PDE12: variants seen among roughly 807,000 people sequenced by gnomAD.
PDE12 encodes the protein 2',5'-phosphodiesterase 12.
PDE12 carries 26 observed loss-of-function variants against 45.4 expected under a neutral mutation model. The ratio of observed to expected loss-of-function variants is 0.57; its 90% CI spans 0.42 to 0.79. The LOEUF (loss-of-function observed/expected upper bound fraction) is 0.79, where lower values mean the gene tolerates loss of function less well. PDE12 is among the 30% of genes least tolerant of loss of function. The probability of loss-of-function intolerance (pLI) is 0.00; values close to 1 mark genes in which losing one functional copy is unlikely to be tolerated. For missense variants in PDE12, 668 were observed against 790.0 expected (o/e 0.85, Z 1.85); for synonymous variants, 283 against 323.9 (o/e 0.87, Z 1.36).
At chr3:57,627,235 C>G in the PDE12 span, 1 of 152,174 alleles carries the variant, frequency 6.6e-6, no homozygotes, top group Non-Finnish European at 1.5e-5. Flanking sequence ...CCTCCGCCTC[C>G]CAGGTTCAAG....
At chr3:57,597,027 G>A in the PDE12 span, 58 of 1,596,378 alleles carry the variant, frequency 3.6e-5, no homozygotes, top group East Asian at 9.8e-4. Context: ...CAATTGTGGA[G>A]ACCCTGCCTT....
At chr3:57,622,005 A>G in the PDE12 span, among the ~76,000 whole-genome samples, 1 of 152,056 alleles carries the variant, frequency 6.6e-6, no homozygotes, top group Admixed American at 6.6e-5. Context: ...GCGAAACCCC[A>G]TCTCTACTAA....
At chr3:57,656,082 TAA>T in the PDE12 span, among the ~76,000 whole-genome samples, 2 of 152,202 alleles carry the variant, frequency 1.3e-5, no homozygotes, top group Admixed American at 1.3e-4. Context: ...TAATTTGTTT[TAA>T]AAGTCACATT....
At chr3:57,642,823 C>T in the PDE12 span, among the ~76,000 whole-genome samples, 3 of 151,904 alleles carry the variant, frequency 2.0e-5, no homozygotes, top group Admixed American at 6.6e-5. Flanking sequence ...CTGGCCAACA[C>T]GGTGAAACCC....
the PDE12 span, among the ~76,000 whole-genome samples, chr3:57,574,096 T>C: frequency 6.6e-6 from 1 of 152,024 alleles, no homozygotes; most frequent in African/African-American, 2.4e-5. Flanking sequence ...TGCCTGCCAC[T>C]GCACCTAATT....
At position 57,566,368 on chromosome 3, in the gene PDE12, G is replaced by C. The variant is rs1340296114; in HGVS notation, c.*6364G>C. On this transcript the variant is annotated 3_prime_UTR_variant, in exon 3 of 3. Transcript: ENST00000311180. The stretch of plus-strand genomic sequence containing the variant: ...TCCATCTTATGGACGTACCACATTT[G>C]TCCATTCATTAGTTGACAGACATTT... 3 of 152,132 alleles carry C rather than the reference G, an allele frequency of 2.0e-5. No homozygotes were observed. The highest frequency in any genetic ancestry group is 4.4e-5 in the Non-Finnish European group (3 of 68,034). 9.4% of individuals were successfully genotyped at this position (152,132 alleles called of 1,614,324 possible). A position where few individuals can be genotyped will look rare whatever the true frequency, so the allele number is the denominator to read the frequency against.
chr3:57,636,868 C>T, the PDE12 span, among the ~76,000 whole-genome samples: 2 of 143,948 alleles, frequency 1.4e-5, no homozygotes, highest in East Asian at 4.1e-4. Flanking sequence ...ACCCAGAAGG[C>T]AGAGGCTGCA....
At chr3:57,632,193 G>A in the PDE12 span, among the ~76,000 whole-genome samples, 1 of 145,280 alleles carries the variant, frequency 6.9e-6, no homozygotes, top group African/African-American at 2.6e-5. Flanking sequence ...CCAATTTTTT[G>A]TATTTTTAGT....
chr3:57,557,303 G>C lies in PDE12; in HGVS notation c.924G>C (p.Ala308=). ...VSYNILADTY[A]QTEFSRTVLY... ...ACAACATCCTGGCAGACACGTACGC[G>C]CAGACTGAGTTCTCGCGAACGGTTC... Residue 308 remains alanine (A), a synonymous_variant, in exon 1 of 3, where the codon GCG becomes GCC. Coordinates refer to ENST00000311180, the MANE Select transcript of PDE12 (RefSeq NM_177966.7). The C allele has an allele frequency of 6.2e-7, 1 of 1,613,868 alleles. No individual in the cohort carries two copies. Among genetic ancestry groups the C allele is most frequent in the South Asian group, 1.1e-5 (1 of 91,070 alleles).
chr3:57,626,611 A>G, the PDE12 span: 1 of 152,272 alleles, frequency 6.6e-6, no homozygotes. Context: ...CAGGAGGCTG[A>G]GGCAGGACAA....
At chr3:57,648,645 C>CATGG in the PDE12 span, among the ~76,000 whole-genome samples, 1 of 152,164 alleles carries the variant, frequency 6.6e-6, no homozygotes, top group African/African-American at 2.4e-5. Flanking sequence ...ATCAAAACAG[C>CATGG]ATGGTACTGG....
chr3:57,592,706 A>C, the PDE12 span, among the ~76,000 whole-genome samples: 1 of 152,208 alleles, frequency 6.6e-6, no homozygotes, highest in Admixed American at 6.5e-5. Context: ...GGCTGTACCT[A>C]TCAGCCAGTG....
the PDE12 span, among the ~76,000 whole-genome samples, chr3:57,598,746 A>G: frequency 2.0e-5 from 3 of 152,218 alleles, no homozygotes; most frequent in South Asian, 6.2e-4. Flanking sequence ...GCGCCCCTGC[A>G]CTCCAGCCTG....
chr3:57,610,181 A>G, the PDE12 span, among the ~76,000 whole-genome samples: 1 of 152,190 alleles, frequency 6.6e-6, no homozygotes, highest in African/African-American at 2.4e-5. Flanking sequence ...ACAAAATTCA[A>G]CAACGCTTCA....
chr3:57,617,275 C>T, the PDE12 span, among the ~76,000 whole-genome samples: 1 of 150,700 alleles, frequency 6.6e-6, no homozygotes, highest in Admixed American at 6.6e-5. Flanking sequence ...TGTAGTGACA[C>T]AAGCCTGTAG....
At chr3:57,646,486 G>A in the PDE12 span, 1 of 1,547,500 alleles carries the variant, frequency 6.5e-7, no homozygotes, top group Non-Finnish European at 8.7e-7. Flanking sequence ...AGCCAATCCT[G>A]TTTTTAAAAT....
At chr3:57,626,731 T>G in the PDE12 span, 3 of 151,032 alleles carry the variant, frequency 2.0e-5, no homozygotes, top group African/African-American at 7.3e-5. Context: ...AAGTGGCTTC[T>G]GTAGGATACT....
the PDE12 span, among the ~76,000 whole-genome samples, chr3:57,590,611 C>T: frequency 1.3e-5 from 2 of 152,116 alleles, no homozygotes; most frequent in African/African-American, 4.8e-5. Flanking sequence ...TCATGTTTTC[C>T]TTTATCTTTC....
At chr3:57,597,114 G>A in the PDE12 span, 2 of 1,614,166 alleles carry the variant, frequency 1.2e-6, no homozygotes, top group African/African-American at 1.3e-5. Flanking sequence ...ATAGTCGGGA[G>A]AAGAGGGAGG....
Sources: allele counts gnomAD v4.1 joint callset (sites outside exome capture counted in the v4.1 genomes callset), GRCh38; gene constraint gnomAD v4.1.1; transcripts MANE v1.5; gene names NCBI Gene and HGNC (gene_info 2026-07-23, HGNC 2026-07-21).